CTNND2: variants seen among roughly 807,000 people sequenced by gnomAD.
CTNND2 encodes catenin delta 2.
CTNND2 carries 22 observed loss-of-function variants against 144.4 expected under a neutral mutation model. The ratio of observed to expected loss-of-function variants is 0.15; its 90% CI spans 0.11 to 0.22. The LOEUF (loss-of-function observed/expected upper bound fraction) is 0.22, where lower values mean the gene tolerates loss of function less well. Among genes scored for constraint, CTNND2 ranks in the 10% least tolerant of loss-of-function variants. CTNND2 has a pLI of 1.00. For synonymous variants in CTNND2, 751 were observed against 695.6 expected (o/e 1.08, Z -1.25); for missense variants, 1,353 against 1,618.8 (o/e 0.84, Z 2.82).
chr5:11,142,371 T>C (rs1303662394), intron 12 of CTNND2, among the ~76,000 whole-genome samples: 1 of 152,142 alleles, frequency 6.6e-6, no homozygotes, highest in Non-Finnish European at 1.5e-5. Flanking sequence ...GATAATATTC[T>C]TATCTCAAAC....
intron 1 of CTNND2, among the ~76,000 whole-genome samples, chr5:11,879,351 A>ATATATATATATATATATATATATG (rs1735832747): frequency 2.2e-5 from 3 of 136,970 alleles, no homozygotes; most frequent in Non-Finnish European, 3.2e-5. Flanking sequence ...GTATATATAT[A>ATATATATATATATATATATATATG]TATATACATA....
At chr5:11,688,119 TG>T (rs1446148270) in intron 2 of CTNND2, among the ~76,000 whole-genome samples, 2 of 152,172 alleles carry the variant, frequency 1.3e-5, no homozygotes, top group African/African-American at 4.8e-5. Flanking sequence ...TGGCTTTTAC[TG>T]AGTGAAGTGG....
intron 5 of CTNND2, among the ~76,000 whole-genome samples, chr5:11,405,059 C>T (rs1480145329): frequency 6.6e-6 from 1 of 152,172 alleles, no homozygotes; most frequent in Non-Finnish European, 1.5e-5. Context: ...TTTGCTTTTT[C>T]TCATACCTAT....
At chr5:11,122,158 G>A (rs1580345506) in intron 12 of CTNND2, among the ~76,000 whole-genome samples, 1 of 151,594 alleles carries the variant, frequency 6.6e-6, no homozygotes, top group Non-Finnish European at 1.5e-5. Context: ...AATATCAGAT[G>A]TTTGTTCCAG....
intron 16 of CTNND2, among the ~76,000 whole-genome samples, chr5:11,071,858 G>T (rs540886588): frequency 2.0e-4 from 30 of 152,268 alleles, no homozygotes; most frequent in Admixed American, 5.2e-4. Flanking sequence ...ATCACACTTG[G>T]TTTACTCACT....
At chr5:11,702,409 G>A (rs1447352428) in intron 2 of CTNND2, among the ~76,000 whole-genome samples, 2 of 152,126 alleles carry the variant, frequency 1.3e-5, no homozygotes, top group Non-Finnish European at 2.9e-5. Flanking sequence ...TAGTTACATG[G>A]AATACATGAA....
intron 9 of CTNND2, among the ~76,000 whole-genome samples, chr5:11,282,882 T>C (rs977856667): frequency 4.6e-5 from 7 of 152,198 alleles, no homozygotes; most frequent in African/African-American, 1.7e-4. Flanking sequence ...CATACTGATA[T>C]ATCTTTGCCA....
rs61762962 is a variant in CTNND2 at position 11,808,372 on chromosome 5, G to A, written c.38-76100C>T. Among the ~76,000 whole-genome samples, 607 of 152,032 alleles carry A rather than the reference G, an allele frequency of 4.0e-3. 5 individuals are homozygous for A. Among genetic ancestry groups the A allele is most frequent in the African/African-American group, 0.013 (558 of 41,368 alleles). ...GAGCTGACAGTCTAGAGTGGGGAACGGACAAACAAACAGGCAATTACAACA... is the reference window on the plus strand; with the variant it reads ...GAGCTGACAGTCTAGAGTGGGGAACAGACAAACAAACAGGCAATTACAACA... On this transcript the variant is annotated intron_variant, in intron 1 of 21. Transcript: ENST00000304623.
At chr5:11,204,641 C>A (rs1737851456) in intron 10 of CTNND2, among the ~76,000 whole-genome samples, 1 of 152,072 alleles carries the variant, frequency 6.6e-6, no homozygotes, top group Non-Finnish European at 1.5e-5. Flanking sequence ...TAGCTATCAT[C>A]ATTAAACTGA....
Position 11,385,032 on chromosome 5 carries a change from G to C in CTNND2, c.810C>G (p.Ala270=), listed in dbSNP as rs1758913499. The C allele has an allele frequency of 3.3e-6, 4 of 1,200,706 alleles. No homozygotes were observed. The highest frequency in any genetic ancestry group is 1.0e-6 in the Non-Finnish European group (1 of 972,826). 74.4% of individuals were successfully genotyped at this position (1,200,706 alleles called of 1,614,324 possible). The part of the protein sequence containing the change: ...PAPPRGGSPL[A]APQGGSPTKL... ...TGGTGGGCGAACCGCCCTGGGGCGC[G>C]GCCAGCGGGGAGCCCCCGCGCGGCG... Residue 270 remains alanine (A), a synonymous_variant, in exon 7 of 22, where the codon GCC becomes GCG. Coordinates refer to ENST00000304623, the MANE Select transcript of CTNND2 (RefSeq NM_001332.4).
chr5:11,794,389 C>A (rs1376987263), intron 1 of CTNND2, among the ~76,000 whole-genome samples: 1 of 152,094 alleles, frequency 6.6e-6, no homozygotes, highest in Non-Finnish European at 1.5e-5. Context: ...TGATAAAAGG[C>A]GTTATATAAT....
chr5:11,315,709 C>T (rs1391465459), intron 9 of CTNND2, among the ~76,000 whole-genome samples: 8 of 152,124 alleles, frequency 5.3e-5, no homozygotes, highest in Admixed American at 5.2e-4. Context: ...TGAAAAACTC[C>T]ATTTTTCAGT....
chr5:11,201,288 G>A (rs1194304609), intron 10 of CTNND2, among the ~76,000 whole-genome samples: 1 of 152,148 alleles, frequency 6.6e-6, no homozygotes, highest in Admixed American at 6.5e-5. Context: ...CAAATGAATG[G>A]AGAGGGTTAA....
At chr5:11,592,195 CCTGCCTTCCTGCCTTT>C in intron 2 of CTNND2, among the ~76,000 whole-genome samples, 1 of 149,276 alleles carries the variant, frequency 6.7e-6, no homozygotes, top group South Asian at 2.1e-4. Flanking sequence ...TTCCTGCCTG[CCTGCCTTCCTGCCTTT>C]CTTCCAGTCT....
At chr5:11,526,930 C>T (rs1262646741) in intron 3 of CTNND2, among the ~76,000 whole-genome samples, 1 of 152,042 alleles carries the variant, frequency 6.6e-6, no homozygotes, top group Non-Finnish European at 1.5e-5. Context: ...AATTCTGATA[C>T]ATGCTCAATA....
chr5:11,870,801 A>C (rs1451203350), intron 1 of CTNND2, among the ~76,000 whole-genome samples: 3 of 152,204 alleles, frequency 2.0e-5, no homozygotes, highest in Non-Finnish European at 2.9e-5. Context: ...CCACAAATTC[A>C]AACAGTCAGG....
intron 12 of CTNND2, among the ~76,000 whole-genome samples, chr5:11,123,293 C>T (rs918953291): frequency 2.0e-5 from 3 of 152,182 alleles, no homozygotes; most frequent in Non-Finnish European, 2.9e-5. Flanking sequence ...TAGGAACTCA[C>T]TGGATATCGA....
At chr5:11,369,446 T>C (rs922208508) in intron 7 of CTNND2, among the ~76,000 whole-genome samples, 1 of 152,240 alleles carries the variant, frequency 6.6e-6, no homozygotes, top group African/African-American at 2.4e-5. Context: ...CATGTTTTCC[T>C]TGAGTCAACA....
At chr5:11,094,995 T>A (rs1206732987) in intron 15 of CTNND2, among the ~76,000 whole-genome samples, 1 of 152,234 alleles carries the variant, frequency 6.6e-6, no homozygotes, top group Non-Finnish European at 1.5e-5. Flanking sequence ...ACAGATTTAT[T>A]GTGCTGGAAA....
Sources: allele counts gnomAD v4.1 joint callset (sites outside exome capture counted in the v4.1 genomes callset), GRCh38; gene constraint gnomAD v4.1.1; transcripts MANE v1.5; gene names NCBI Gene and HGNC (gene_info 2026-07-23, HGNC 2026-07-21).